The following EMID1 variants were observed in gnomAD, a reference collection of about 807,000 sequenced individuals.
The protein encoded by EMID1 is EMI domain containing 1.
A neutral mutation model predicts 60.6 loss-of-function variants in EMID1; 40 were observed. The observed-to-expected ratio is 0.66, with a 90% CI of 0.51 to 0.86. The LOEUF is 0.86. EMID1 is among the 40% of genes least tolerant of loss of function. The pLI, the probability that EMID1 is intolerant of heterozygous loss-of-function variation, is 0.00. For missense variants in EMID1, 585 were observed against 597.1 expected, an observed-to-expected ratio of 0.98 and a Z score of 0.21; for synonymous variants, 242 against 231.0, an observed-to-expected ratio of 1.05 and a Z score of -0.43.
intron 12 of EMID1, among the ~76,000 whole-genome samples, chr22:29,238,475 T>C (rs1330693994): frequency 7.0e-6 from 1 of 141,870 alleles, no homozygotes. Flanking sequence ...TGGAGTGCAA[T>C]GGTGTGATCT....
intron 6 of EMID1, chr22:29,231,342 A>G (rs1039455670): frequency 5.7e-6 from 5 of 877,566 alleles, no homozygotes; most frequent in Non-Finnish European, 8.8e-6. Context: ...GAGACCAAGC[A>G]GCCCCAGCAG....
chr22:29,246,726 G>A (rs1314398267), intron 13 of EMID1, among the ~76,000 whole-genome samples: 1 of 152,180 alleles, frequency 6.6e-6, no homozygotes, highest in Non-Finnish European at 1.5e-5. Context: ...AGGAGACTGG[G>A]TTGTCATCAG....
chr22:29,222,506 C>A (rs1251641583), intron 3 of EMID1, among the ~76,000 whole-genome samples: 1 of 150,078 alleles, frequency 6.7e-6, no homozygotes, highest in Non-Finnish European at 1.5e-5. Context: ...CAGGTTCAAG[C>A]GATTCTCCTG....
chr22:29,230,202 G>A (rs369078199), intron 5 of EMID1, among the ~76,000 whole-genome samples: 7 of 152,148 alleles, frequency 4.6e-5, no homozygotes, highest in East Asian at 1.9e-4. Context: ...GTGTGGTGGC[G>A]CATGACTGTA....
intron 12 of EMID1, among the ~76,000 whole-genome samples, chr22:29,239,050 T>A (rs2146346460): frequency 6.9e-6 from 1 of 144,362 alleles, no homozygotes; most frequent in Admixed American, 6.8e-5. Context: ...TTATGCATAT[T>A]TACATCTTTT....
At chr22:29,219,262 C>T (rs988364222) in intron 3 of EMID1, among the ~76,000 whole-genome samples, 1 of 152,138 alleles carries the variant, frequency 6.6e-6, no homozygotes, top group Non-Finnish European at 1.5e-5. Flanking sequence ...TGGCAGAAGC[C>T]AGTCTCAGCC....
chr22:29,208,362 G>A (rs535887601), intron 1 of EMID1, among the ~76,000 whole-genome samples: 2 of 152,274 alleles, frequency 1.3e-5, no homozygotes, highest in East Asian at 1.9e-4. Context: ...GGAGACCCCC[G>A]GAACCAGGGT....
chr22:29,249,587 A>ATTATTTATTTATTTAT (rs140494856), intron 13 of EMID1, among the ~76,000 whole-genome samples: 3 of 139,568 alleles, frequency 2.1e-5, no homozygotes, highest in African/African-American at 5.4e-5. Flanking sequence ...AAATACCTTT[A>ATTATTTATTTATTTAT]TTATTTATTT....
intron 6 of EMID1, 147 bp from the exon 7 acceptor site, chr22:29,231,446 C>T (rs546983853): frequency 2.6e-5 from 24 of 909,162 alleles, no homozygotes; most frequent in Non-Finnish European, 4.1e-5. Context: ...CTGCCTACCC[C>T]CCCCACCCCA....
At chr22:29,215,122 G>A in intron 2 of EMID1, 83 bp downstream of exon 2, 1 of 1,452,568 alleles carries the variant, frequency 6.9e-7, no homozygotes, top group Admixed American at 2.3e-5. Context: ...ACTGCATGGG[G>A]AGTGTGGGGG....
At chr22:29,206,457 A>G (rs1313379441) in intron 1 of EMID1, among the ~76,000 whole-genome samples, 1 of 152,178 alleles carries the variant, frequency 6.6e-6, no homozygotes, top group Non-Finnish European at 1.5e-5. Context: ...CACTTGGGAA[A>G]GGCCTATGAC....
Position 29,259,273 on chromosome 22 carries a change from G to A in EMID1, c.*329G>A. ...GGCACTGAGGGAGTCAGGAGCTGGG[G>A]CTCGGCACATGCAGAGATGACAGGG... On this transcript the variant is annotated 3_prime_UTR_variant, in exon 15 of 15. Transcript: ENST00000334018. 1 of 338,630 alleles carries A rather than the reference G, an allele frequency of 3.0e-6. No homozygotes were observed. 21.0% of individuals were successfully genotyped at this position (338,630 alleles called of 1,614,324 possible). A position where few individuals can be genotyped will look rare whatever the true frequency, so the allele number is the denominator to read the frequency against.
At chr22:29,226,870 C>T (rs1370319990) in intron 5 of EMID1, among the ~76,000 whole-genome samples, 15 of 152,120 alleles carry the variant, frequency 9.9e-5, no homozygotes, top group Admixed American at 9.8e-4. Flanking sequence ...CCTGTTCTTC[C>T]TCCAGGAGGC....
chr22:29,206,170 T>C (rs117544599), intron 1 of EMID1, 31 bp downstream of exon 1: 77,277 of 1,221,674 alleles, frequency 0.063, 2,790 homozygotes, highest in Non-Finnish European at 0.073. Flanking sequence ...TGCACCCCGC[T>C]GGCCGAGGGT....
intron 5 of EMID1, among the ~76,000 whole-genome samples, chr22:29,227,175 A>G (rs2040545919): frequency 6.6e-6 from 1 of 152,000 alleles, no homozygotes; most frequent in South Asian, 2.1e-4. Context: ...ACTGCAACCT[A>G]TGCCTCCTGG....
rs560920389 is a variant in EMID1 at position 29,232,178 on chromosome 22, G to A, written c.677-78G>A. 6.3e-6 allele frequency: 10 copies of A among 1,579,312 alleles called. 1 individual carries two copies. In the South Asian group the frequency reaches 1.0e-4, roughly 16 times the overall value. On this transcript the variant is annotated intron_variant, in intron 7 of 14. Coordinates refer to ENST00000334018, the MANE Select transcript of EMID1 (RefSeq NM_133455.4). ...TCTCTCATGCCCACTGCTCCAGGCT[G>A]CCTTGTCCTGTCGCTCAAGGCCACC... is the stretch of plus-strand genomic sequence containing the variant.
chr22:29,251,938 G>A (rs574518599), intron 13 of EMID1, among the ~76,000 whole-genome samples: 6 of 152,060 alleles, frequency 3.9e-5, no homozygotes, highest in Non-Finnish European at 7.4e-5. Flanking sequence ...GTGTCATTAG[G>A]TGCTGGGATT....
Position 29,245,566 on chromosome 22 carries a change from G to A in EMID1, c.1119+2077G>A, listed in dbSNP as rs577848068. On this transcript the variant is annotated intron_variant, in intron 13 of 14. Coordinates refer to ENST00000334018, the MANE Select transcript of EMID1 (RefSeq NM_133455.4). ...CCCACTGGGCTGGGGGCTGCATGAA[G>A]CTTTGGGGGCTGGGGGAACAGCTCT... is the stretch of plus-strand genomic sequence containing the variant. 1.9e-4 allele frequency among the ~76,000 whole-genome samples: 29 copies of A among 152,264 alleles called. No individual in the cohort carries two copies. The South Asian group carries it at 6.0e-3, about 31-fold the overall frequency.
At chr22:29,256,488 G>A (rs562839313) in intron 14 of EMID1, among the ~76,000 whole-genome samples, 2 of 149,992 alleles carry the variant, frequency 1.3e-5, no homozygotes, top group Non-Finnish European at 3.0e-5. Context: ...AAAAAAGACT[G>A]AGAAACTTAG....
Sources: gnomAD v4.1 joint callset for allele counts (sites outside exome capture counted in the v4.1 genomes callset) on GRCh38, gnomAD v4.1.1 for gene constraint, MANE v1.5 for transcripts, NCBI Gene and HGNC (gene_info 2026-07-23, HGNC 2026-07-21) for gene names.